Variants in APBB2 observed in about 807,000 individuals in gnomAD.
APBB2 encodes amyloid beta precursor protein binding family B member 2, also known as Fe65-like 1.
Under a neutral mutation model 82.5 loss-of-function variants are expected in APBB2, and 38 were observed. That is an observed-to-expected ratio of 0.46 (90% confidence interval 0.36 to 0.60). APBB2 has a LOEUF of 0.60. Ranked by LOEUF, APBB2 falls within the 20% of genes least tolerant of loss-of-function variation. The pLI is 0.00. For missense variants in APBB2, 772 were observed against 972.3 expected (o/e 0.79, Z 2.74); for synonymous variants, 341 against 368.2 (o/e 0.93, Z 0.85).
chr4:40,938,750 C>T (rs1253338291), intron 7 of APBB2, among the ~76,000 whole-genome samples: 1 of 152,186 alleles, frequency 6.6e-6, no homozygotes, highest in African/African-American at 2.4e-5. Flanking sequence ...CTAAAACATT[C>T]CACAGTGGCA....
chr4:41,160,014 GAAGAAGAAGAAGAAGAAGAAGAAA>G (rs1476610916), intron 1 of APBB2, among the ~76,000 whole-genome samples: 192 of 148,454 alleles, frequency 1.3e-3, no homozygotes, highest in African/African-American at 4.6e-3. Context: ...AGAAGAAGAA[GAAGAAGAAGAAGAAGAAGAAGAAA>G]ACATCACAGG....
chr4:40,837,939 G>A (rs557798433), intron 12 of APBB2, among the ~76,000 whole-genome samples: 59 of 151,942 alleles, frequency 3.9e-4, no homozygotes, highest in African/African-American at 1.4e-3. Context: ...CTCTCCCAGA[G>A]GACCAAGATA....
At chr4:41,006,735 G>A (rs1431635376) in intron 6 of APBB2, among the ~76,000 whole-genome samples, 1 of 152,148 alleles carries the variant, frequency 6.6e-6, no homozygotes, top group Non-Finnish European at 1.5e-5. Context: ...GAAAGTGCTG[G>A]GATTACAGGT....
intron 6 of APBB2, among the ~76,000 whole-genome samples, chr4:41,011,076 A>G (rs62412103): frequency 0.046 from 6,986 of 152,032 alleles, 343 homozygotes; most frequent in African/African-American, 0.13. Context: ...ATATTAGTAT[A>G]TATCTCTAAA....
At chr4:41,063,681 T>C (rs986746103) in intron 4 of APBB2, among the ~76,000 whole-genome samples, 27 of 152,138 alleles carry the variant, frequency 1.8e-4, no homozygotes, top group African/African-American at 4.6e-4. Context: ...AACTTTGCTT[T>C]CTTTTTTCTT....
At chr4:40,840,422 G>A (rs778415001) in intron 12 of APBB2, among the ~76,000 whole-genome samples, 26 of 152,150 alleles carry the variant, frequency 1.7e-4, no homozygotes, top group Non-Finnish European at 3.4e-4. Flanking sequence ...GCGAAAGTAC[G>A]TAAGAAACTT....
intron 10 of APBB2, among the ~76,000 whole-genome samples, chr4:40,905,302 A>G (rs987358154): frequency 1.3e-5 from 2 of 152,104 alleles, no homozygotes; most frequent in African/African-American, 4.8e-5. Flanking sequence ...TACTAACCCC[A>G]TCCCCTGCAG....
At chr4:40,897,886 A>C (rs1471548787) in intron 10 of APBB2, among the ~76,000 whole-genome samples, 1 of 152,216 alleles carries the variant, frequency 6.6e-6, no homozygotes, top group African/African-American at 2.4e-5. Context: ...ATCTTGGAGC[A>C]TGGGAAGAGC....
intron 15 of APBB2, 68 bp downstream of exon 15, chr4:40,825,819 G>T: frequency 7.8e-7 from 1 of 1,276,066 alleles, no homozygotes; most frequent in Non-Finnish European, 1.1e-6. Flanking sequence ...ACCCTCCTCG[G>T]AGGGCGAACG....
rs1226965354 is a variant in APBB2, at chr4:41,014,064, G to A, written c.354C>T (p.Pro118=). 1 of 1,614,146 alleles carries A rather than the reference G, an allele frequency of 6.2e-7. No individual in the cohort carries two copies. Among genetic ancestry groups the A allele is most frequent in the South Asian group, 1.1e-5 (1 of 91,072 alleles). The part of the protein sequence containing the change: ...RKAAEQGQQD[P]NKNLSPTAVI... ...CTGCAGTGGGGCTCAGGTTTTTGTTGGGGTCCTGCTGCCCTTGCTCTGCAG... is the reference window on the plus strand; with the variant it reads ...CTGCAGTGGGGCTCAGGTTTTTGTTAGGGTCCTGCTGCCCTTGCTCTGCAG... The change falls in exon 6 of 18, where the codon CCC becomes CCT. Residue 118 remains proline (P), a synonymous_variant. Transcript: ENST00000508593.
chr4:40,871,983 A>T (rs929358700), intron 12 of APBB2, among the ~76,000 whole-genome samples: 2 of 152,234 alleles, frequency 1.3e-5, no homozygotes, highest in Admixed American at 1.3e-4. Flanking sequence ...AAGACAGCAC[A>T]GGGCATGGTG....
chr4:40,982,393 A>AGG lies in APBB2; in HGVS notation c.835+31189_835+31190insCC, dbSNP rs1346142371. ...AAGGAAGGAAGGAAGGAAGGAAGGAAAGGAAAGGAAAGAAAGAAAGAAAGA... is the reference window on the plus strand; with the variant it reads ...AAGGAAGGAAGGAAGGAAGGAAGGAAGGAGGAAAGGAAAGAAAGAAAGAAAGA... On this transcript the variant is annotated intron_variant, in intron 6 of 17. Coordinates refer to ENST00000508593, the MANE Select transcript of APBB2 (RefSeq NM_004307.2). Among the ~76,000 whole-genome samples the AGG allele has an allele frequency of 2.6e-3, 30 of 11,466 alleles. 2 individuals are homozygous for AGG. Among genetic ancestry groups the AGG allele is most frequent in the African/African-American group, 4.8e-3 (27 of 5,636 alleles). The allele number at this position is 11,466 out of a possible 152,430, so 7.5% of individuals were successfully genotyped here. A position where few individuals can be genotyped will look rare whatever the true frequency, so the allele number is the denominator to read the frequency against.
At chr4:40,881,470 C>A in intron 12 of APBB2, 1 of 716,750 alleles carries the variant, frequency 1.4e-6, no homozygotes, top group Non-Finnish European at 1.7e-6. Flanking sequence ...CAGATTAGCT[C>A]AAAAACAAAA....
chr4:41,190,771 T>C (rs1774210118), intron 1 of APBB2, among the ~76,000 whole-genome samples: 1 of 152,152 alleles, frequency 6.6e-6, no homozygotes, highest in South Asian at 2.1e-4. Flanking sequence ...AGCTAAACTT[T>C]ACCTCCAAAG....
intron 10 of APBB2, among the ~76,000 whole-genome samples, chr4:40,923,190 T>C (rs1315449512): frequency 2.0e-5 from 3 of 150,228 alleles, no homozygotes; most frequent in Non-Finnish European, 3.0e-5. Context: ...TTAGCCAAGA[T>C]GGTCTCGATC....
At chr4:40,904,802 C>T (rs1776272595) in intron 10 of APBB2, among the ~76,000 whole-genome samples, 1 of 151,606 alleles carries the variant, frequency 6.6e-6, no homozygotes, top group South Asian at 2.1e-4. Flanking sequence ...CTCCATCCGG[C>T]TGAAGCAAGG....
In APBB2 at chr4:41,110,056, T is replaced by C. The variant is rs577877065; in HGVS notation, c.-260-9306A>G. Among the ~76,000 whole-genome samples, 10 of 152,330 alleles carry C rather than the reference T, an allele frequency of 6.6e-5. No individual in the cohort carries two copies. In the South Asian group the frequency reaches 1.9e-3, roughly 28 times the overall value. On this transcript the variant is annotated intron_variant, in intron 2 of 17. Coordinates refer to ENST00000508593, the MANE Select transcript of APBB2 (RefSeq NM_004307.2). ...ACCTGGTAATACTCATAACTTATGA[T>C]AACTGATTTATCCATCAAGACTCCA...
intron 2 of APBB2, among the ~76,000 whole-genome samples, chr4:41,119,308 C>G (rs578072547): frequency 7.2e-5 from 11 of 152,030 alleles, no homozygotes; most frequent in Non-Finnish European, 1.2e-4. Flanking sequence ...TGAGTTTGAA[C>G]TAGGATCTCT....
intron 2 of APBB2, among the ~76,000 whole-genome samples, chr4:41,107,652 G>A (rs1747736394): frequency 6.6e-6 from 1 of 152,176 alleles, no homozygotes; most frequent in Non-Finnish European, 1.5e-5. Flanking sequence ...ACCAAGTGGT[G>A]CTCGGCATAA....
Sources: allele counts gnomAD v4.1 joint callset (sites outside exome capture counted in the v4.1 genomes callset), GRCh38; gene constraint gnomAD v4.1.1; transcripts MANE v1.5; gene names NCBI Gene and HGNC (gene_info 2026-07-23, HGNC 2026-07-21).